The following CTNNA3 variants were observed in gnomAD, a reference collection of about 807,000 sequenced individuals.
CTNNA3 encodes catenin alpha 3, also known as catenin alpha-3.
In CTNNA3, 76 loss-of-function variants were observed where a neutral mutation model predicts 95.7. That is an observed-to-expected ratio of 0.79 (90% CI 0.66 to 0.96). CTNNA3 has a LOEUF of 0.96. CTNNA3 is among the 40% of genes least tolerant of loss of function. CTNNA3 has a pLI of 0.00. For synonymous variants in CTNNA3, 431 were observed against 374.4 expected (o/e 1.15, Z -1.74); for missense variants, 1,191 against 1,089.8 (o/e 1.09, Z -1.31).
intron 13 of CTNNA3, among the ~76,000 whole-genome samples, chr10:66,165,940 G>A (rs1024218035): frequency 6.6e-6 from 1 of 151,628 alleles, no homozygotes; most frequent in Non-Finnish European, 1.5e-5. Flanking sequence ...GCTAATTTTT[G>A]TATTTTCAGT....
intron 12 of CTNNA3, among the ~76,000 whole-genome samples, chr10:66,364,915 G>A (rs759086815): frequency 5.9e-5 from 9 of 152,234 alleles, no homozygotes; most frequent in East Asian, 5.8e-4. Context: ...AATTAGCAAC[G>A]GAGAGGATTT....
intron 10 of CTNNA3, among the ~76,000 whole-genome samples, chr10:66,550,750 T>C (rs995607533): frequency 3.3e-5 from 5 of 152,168 alleles, no homozygotes; most frequent in Non-Finnish European, 5.9e-5. Flanking sequence ...TATTATCTCA[T>C]TGTAATTTCT....
intron 7 of CTNNA3, among the ~76,000 whole-genome samples, chr10:66,832,329 G>T (rs1448383706): frequency 6.6e-6 from 1 of 152,112 alleles, no homozygotes; most frequent in Non-Finnish European, 1.5e-5. Flanking sequence ...CACTGTAAAA[G>T]CACACACAGC....
At chr10:67,731,800 C>CAAAAAAA (rs199645393) in intron 1 of CTNNA3, among the ~76,000 whole-genome samples, 7 of 103,580 alleles carry the variant, frequency 6.8e-5, no homozygotes, top group African/African-American at 2.5e-4. Flanking sequence ...GACTCCGTCT[C>CAAAAAAA]AAAAAAAAAA....
intron 5 of CTNNA3, among the ~76,000 whole-genome samples, chr10:67,252,717 C>A (rs1866159525): frequency 6.6e-6 from 1 of 152,158 alleles, no homozygotes; most frequent in African/African-American, 2.4e-5. Flanking sequence ...GTAACCATCC[C>A]TTACTTGAAA....
chr10:67,442,599 A>G lies in CTNNA3; in HGVS notation c.579+79243T>C, dbSNP rs531480217. Among the ~76,000 whole-genome samples, 25 of 152,206 alleles carry G rather than the reference A, an allele frequency of 1.6e-4. No homozygotes were observed. The South Asian group carries it at 5.2e-3, about 32-fold the overall frequency. The stretch of plus-strand genomic sequence containing the variant: ...AGACATAATAGATTTCAAGACAAAA[A>G]CTGTACAAAGAGACAAAAAAATCAT... On this transcript the variant is annotated intron_variant, in intron 5 of 17. Transcript: ENST00000433211.
chr10:66,406,519 GAA>G (rs1368706626), intron 11 of CTNNA3, among the ~76,000 whole-genome samples: 3 of 152,030 alleles, frequency 2.0e-5, no homozygotes, highest in Non-Finnish European at 4.4e-5. Context: ...ACTATATGAA[GAA>G]AAGTCTTTAT....
chr10:66,888,806 T>G (rs1705873513), intron 7 of CTNNA3, among the ~76,000 whole-genome samples: 1 of 152,144 alleles, frequency 6.6e-6, no homozygotes. Flanking sequence ...GGAGAACAGT[T>G]TGACACTTTA....
intron 14 of CTNNA3, among the ~76,000 whole-genome samples, chr10:66,069,851 T>C (rs1481267471): frequency 6.6e-6 from 1 of 152,112 alleles, no homozygotes; most frequent in Non-Finnish European, 1.5e-5. Context: ...AAAGTGCGTA[T>C]AAAAAGGTGG....
intron 2 of CTNNA3, among the ~76,000 whole-genome samples, chr10:67,641,118 C>T (rs1160404137): frequency 1.3e-5 from 2 of 151,816 alleles, no homozygotes; most frequent in Admixed American, 6.6e-5. Flanking sequence ...TGACAAAGGG[C>T]TAATATCCAG....
chr10:66,809,994 G>A (rs912785272), intron 7 of CTNNA3, among the ~76,000 whole-genome samples: 7 of 151,812 alleles, frequency 4.6e-5, no homozygotes, highest in African/African-American at 1.5e-4. Context: ...TAGTAGAGAC[G>A]GGGTTTCACC....
chr10:67,564,003 G>T (rs1841648686), intron 3 of CTNNA3, among the ~76,000 whole-genome samples: 1 of 148,966 alleles, frequency 6.7e-6, no homozygotes, highest in Non-Finnish European at 1.5e-5. Flanking sequence ...ACAGGTGCTG[G>T]AGAGGATGTG....
At chr10:66,489,385 G>A (rs1682905057) in intron 11 of CTNNA3, among the ~76,000 whole-genome samples, 1 of 152,124 alleles carries the variant, frequency 6.6e-6, no homozygotes, top group African/African-American at 2.4e-5. Context: ...TATTCTGTGT[G>A]TTTTTGGGTT....
intron 5 of CTNNA3, among the ~76,000 whole-genome samples, chr10:67,369,176 T>C (rs1258409864): frequency 6.6e-6 from 1 of 152,172 alleles, no homozygotes; most frequent in Non-Finnish European, 1.5e-5. Context: ...AAAATACTGA[T>C]GCTGTAAGAT....
At chr10:66,797,174 T>C (rs1007951997) in intron 7 of CTNNA3, among the ~76,000 whole-genome samples, 1 of 151,996 alleles carries the variant, frequency 6.6e-6, no homozygotes, top group African/African-American at 2.4e-5. Flanking sequence ...TCTCAGTGTT[T>C]ATTCCCAATT....
chr10:66,604,125 A>G (rs1430801837), intron 10 of CTNNA3, among the ~76,000 whole-genome samples: 1 of 152,150 alleles, frequency 6.6e-6, no homozygotes, highest in African/African-American at 2.4e-5. Context: ...AAAGAAAACA[A>G]TTAACAAAGT....
chr10:66,494,036 T>G (rs921626309), intron 11 of CTNNA3, among the ~76,000 whole-genome samples: 14 of 149,084 alleles, frequency 9.4e-5, no homozygotes, highest in African/African-American at 3.6e-4. Context: ...GCCTCTCGAG[T>G]AGCTAGGACT....
intron 5 of CTNNA3, among the ~76,000 whole-genome samples, chr10:67,470,886 T>A (rs780916584): frequency 2.9e-4 from 44 of 152,304 alleles, no homozygotes; most frequent in Non-Finnish European, 5.0e-4. Context: ...GATAAAGTGA[T>A]CCTCTCACCT....
intron 10 of CTNNA3, among the ~76,000 whole-genome samples, chr10:66,543,733 C>A (rs149121890): frequency 6.6e-6 from 1 of 151,492 alleles, no homozygotes; most frequent in African/African-American, 2.4e-5. Flanking sequence ...ATCTCTGAAT[C>A]TTATTTCAAT....
Sources: allele counts gnomAD v4.1 joint callset (sites outside exome capture counted in the v4.1 genomes callset), GRCh38; gene constraint gnomAD v4.1.1; transcripts MANE v1.5; gene names NCBI Gene and HGNC (gene_info 2026-07-23, HGNC 2026-07-21).